Variants in GLG1 observed in about 807,000 individuals in gnomAD.
The protein encoded by GLG1 is golgi glycoprotein 1.
GLG1 carries 38 observed loss-of-function variants against 160.5 expected under a neutral mutation model. The observed-to-expected ratio is 0.24, with a 90% CI of 0.18 to 0.31. The LOEUF (loss-of-function observed/expected upper bound fraction) is 0.31. Ranked by LOEUF, GLG1 falls within the 10% of genes least tolerant of loss-of-function variation. The pLI, the probability that GLG1 is intolerant of heterozygous loss-of-function variation, is 1.00. For missense variants in GLG1, 1,373 were observed against 1,505.2 expected (o/e 0.91, Z 1.45); for synonymous variants, 644 against 543.4 (o/e 1.19, Z -2.57).
At chr16:74,545,615 T>C (rs1383014512) in intron 1 of GLG1, among the ~76,000 whole-genome samples, 1 of 152,250 alleles carries the variant, frequency 6.6e-6, no homozygotes, top group Non-Finnish European at 1.5e-5. Context: ...TTTAGGTTTT[T>C]GTTTCTAAGT....
intron 1 of GLG1, among the ~76,000 whole-genome samples, chr16:74,551,640 A>G (rs1251775787): frequency 6.6e-6 from 1 of 151,088 alleles, no homozygotes; most frequent in African/African-American, 2.4e-5. Flanking sequence ...AAAAGAAAAT[A>G]CAACTTTAAA....
At chr16:74,505,540 C>T (rs1426182201) in intron 3 of GLG1, among the ~76,000 whole-genome samples, 3 of 151,924 alleles carry the variant, frequency 2.0e-5, no homozygotes, top group East Asian at 3.9e-4. Flanking sequence ...GCCAACATGG[C>T]GAAACCCCAT....
chr16:74,582,967 C>G (rs1957971040), intron 1 of GLG1, among the ~76,000 whole-genome samples: 1 of 152,088 alleles, frequency 6.6e-6, no homozygotes, highest in Non-Finnish European at 1.5e-5. Context: ...CTCTAGTTAC[C>G]CAAGGGTTTA....
At chr16:74,579,970 G>A (rs1360055962) in intron 1 of GLG1, among the ~76,000 whole-genome samples, 1 of 152,104 alleles carries the variant, frequency 6.6e-6, no homozygotes, top group South Asian at 2.1e-4. Context: ...GGCTGAGGCA[G>A]GAGAATCGCT....
At chr16:74,542,707 AGGGAAGAAG>A (rs1331329003) in intron 1 of GLG1, among the ~76,000 whole-genome samples, 1 of 47,436 alleles carries the variant, frequency 2.1e-5, no homozygotes. Flanking sequence ...GGAGGGAGGA[AGGGAAGAAG>A]GGAAGGAAGG....
At chr16:74,459,430 G>A (rs975275248) in intron 23 of GLG1, among the ~76,000 whole-genome samples, 2 of 152,116 alleles carry the variant, frequency 1.3e-5, no homozygotes, top group African/African-American at 2.4e-5. Context: ...GTGAGATCAC[G>A]CCACTGCGCT....
At chr16:74,532,191 AAAAT>A (rs74565228) in intron 1 of GLG1, 38 bp from the exon 2 acceptor site, 849 of 630,490 alleles carry the variant, frequency 1.3e-3, no homozygotes, top group African/African-American at 5.6e-3. Flanking sequence ...TGTAAAAAAA[AAAAT>A]ATATATATAT....
chr16:74,535,413 A>G (rs2017661659), intron 1 of GLG1, among the ~76,000 whole-genome samples: 1 of 152,116 alleles, frequency 6.6e-6, no homozygotes, highest in East Asian at 1.9e-4. Flanking sequence ...CTGACTATAA[A>G]TGCGTCTTAT....
At chr16:74,507,908 G>GT (rs1190751807) in intron 3 of GLG1, among the ~76,000 whole-genome samples, 4 of 152,142 alleles carry the variant, frequency 2.6e-5, no homozygotes, top group African/African-American at 9.7e-5. Flanking sequence ...AGCTAAGGGA[G>GT]TTTGAGATGT....
At chr16:74,461,303 G>C (rs890583478) in intron 22 of GLG1, among the ~76,000 whole-genome samples, 1 of 150,984 alleles carries the variant, frequency 6.6e-6, no homozygotes, top group Admixed American at 6.6e-5. Context: ...GGGTAGCTGG[G>C]ACTACAGGTA....
At chr16:74,542,741 GGAAGGA>G (rs2017918937) in intron 1 of GLG1, among the ~76,000 whole-genome samples, 2 of 9,692 alleles carry the variant, frequency 2.1e-4, no homozygotes, top group Non-Finnish European at 3.9e-4. Context: ...AAGGGAGGAA[GGAAGGA>G]AGGAAGGAAG....
chr16:74,461,168 CTT>C (rs760396989), intron 22 of GLG1, among the ~76,000 whole-genome samples: 24 of 141,472 alleles, frequency 1.7e-4, no homozygotes, highest in South Asian at 2.2e-4. Context: ...TATAGAATTA[CTT>C]TTTTTTTTTT....
Position 74,477,514 on chromosome 16 carries a change from G to C in GLG1, c.1847C>G (p.Ala616Gly), listed in dbSNP as rs2015426603. 2 of 1,613,172 alleles carry C rather than the reference G, an allele frequency of 1.2e-6. No individual in the cohort carries two copies. Among genetic ancestry groups the C allele is most frequent in the Non-Finnish European group, 1.7e-6 (2 of 1,179,378 alleles). ...CTGGTGTAGGATCCTTTGGACTTCAGCTCGGCACTCCCGTGAGAGCTGCAT... is the reference window on the plus strand; with the variant it reads ...CTGGTGTAGGATCCTTTGGACTTCACCTCGGCACTCCCGTGAGAGCTGCAT... ...QGRRLSRECRAEVQRILHQRA... is the reference protein window; with the variant it reads ...QGRRLSRECRGEVQRILHQRA... Residue 616 changes from alanine to glycine, a missense_variant, in exon 12 of 26, where the codon GCT (alanine) becomes GGT (glycine). Ala to Gly is a moderately conservative substitution (Grantham distance 60). This residue lies in a region of GLG1 where 386 missense variants were observed against 388.5 expected (regional missense o/e 0.99). Transcript: ENST00000422840.
intron 2 of GLG1, among the ~76,000 whole-genome samples, chr16:74,516,622 A>C (rs1334872428): frequency 6.6e-6 from 1 of 152,206 alleles, no homozygotes; most frequent in Non-Finnish European, 1.5e-5. Context: ...TAAAATTGAC[A>C]CCCTAACATC....
Position 74,558,896 on chromosome 16 carries a change from T to C in GLG1, c.439-26743A>G, listed in dbSNP as rs117028163. Among the ~76,000 whole-genome samples, 366 of 152,332 alleles carry C rather than the reference T, an allele frequency of 2.4e-3. 1 individual carries two copies. Among genetic ancestry groups the C allele is most frequent in the Non-Finnish European group, 4.0e-3 (273 of 68,036 alleles). ...CTGTACATCTTCTTTTTACTTTTTA[T>C]ATTTTCTTAGAGACGGGGTCTCACT... On this transcript the variant is annotated intron_variant, in intron 1 of 25. Coordinates refer to ENST00000422840, the MANE Select transcript of GLG1 (RefSeq NM_001145667.2).
intron 1 of GLG1, among the ~76,000 whole-genome samples, chr16:74,573,124 G>C (rs2018883441): frequency 6.6e-6 from 1 of 152,108 alleles, no homozygotes; most frequent in African/African-American, 2.4e-5. Flanking sequence ...CATATCCTCA[G>C]ACCCAGAAAT....
rs941889051 is a variant in GLG1 at position 74,459,204 on chromosome 16, C to T, written c.3144+478G>A. 1.1e-4 allele frequency among the ~76,000 whole-genome samples: 16 copies of T among 152,148 alleles called. 2 individuals are homozygous for T. Among genetic ancestry groups the T allele is most frequent in the South Asian group, 2.1e-4 (1 of 4,808 alleles). ...TTTTAAAAGGTTAATTTTGGCTGGG[C>T]GCGGTGGCTCACACCTGTAATCCCA... On this transcript the variant is annotated intron_variant, in intron 23 of 25. Transcript: ENST00000422840.
At chr16:74,530,473 G>A (rs530363493) in intron 2 of GLG1, among the ~76,000 whole-genome samples, 7 of 152,240 alleles carry the variant, frequency 4.6e-5, no homozygotes, top group Admixed American at 1.3e-4. Flanking sequence ...GTGAAAAGCA[G>A]CCACTGGCAA....
intron 8 of GLG1, among the ~76,000 whole-genome samples, chr16:74,489,758 C>T (rs1325189398): frequency 1.3e-5 from 2 of 152,202 alleles, no homozygotes; most frequent in South Asian, 2.1e-4. Context: ...GATGCATAGA[C>T]ACGCATGCGT....
Sources: gnomAD v4.1 joint callset for allele counts (sites outside exome capture counted in the v4.1 genomes callset) on GRCh38, gnomAD v4.1.1 for gene constraint, gnomAD v4.1.1 regional missense constraint, MANE v1.5 for transcripts, NCBI Gene and HGNC (gene_info 2026-07-23, HGNC 2026-07-21) for gene names.